The following TBK1 variants were observed in gnomAD, a reference collection of about 807,000 sequenced individuals.
TBK1 encodes the protein TANK binding kinase 1, also known as serine/threonine-protein kinase TBK1.
In TBK1, 37 loss-of-function variants were observed where a neutral mutation model predicts 99.9. The ratio of observed to expected loss-of-function variants is 0.37; its 90% confidence interval spans 0.28 to 0.49. The LOEUF is 0.49. Ranked by LOEUF, TBK1 falls within the 20% of genes least tolerant of loss-of-function variation. The pLI is 0.98. For synonymous variants in TBK1, 258 were observed against 279.8 expected, an observed-to-expected ratio of 0.92 and a Z score of 0.78; for missense variants, 644 against 872.5, an observed-to-expected ratio of 0.74 and a Z score of 3.30.
At chr12:64,458,403 TTAGTTACTAAAG>T (rs2040512020) in intron 2 of TBK1, among the ~76,000 whole-genome samples, 1 of 151,986 alleles carries the variant, frequency 6.6e-6, no homozygotes, top group African/African-American at 2.4e-5. Context: ...TAAATTGCTT[TTAGTTACTAAAG>T]TATGAGTGTG....
intron 7 of TBK1, among the ~76,000 whole-genome samples, chr12:64,480,571 T>C (rs904133384): frequency 6.6e-6 from 1 of 152,228 alleles, no homozygotes; most frequent in Non-Finnish European, 1.5e-5. Context: ...TGAGAAATAA[T>C]AGTTTTTTGT....
chr12:64,483,249 A>G (rs1316349313), intron 8 of TBK1, among the ~76,000 whole-genome samples: 1 of 152,244 alleles, frequency 6.6e-6, no homozygotes, highest in African/African-American at 2.4e-5. Flanking sequence ...GTAACAAAAC[A>G]TCTCATGTAC....
chr12:64,490,122 A>G lies in TBK1; in HGVS notation c.1521+3A>G. 1 of 1,603,288 alleles carries G rather than the reference A, an allele frequency of 6.2e-7. No individual in the cohort carries two copies. Among genetic ancestry groups the G allele is most frequent in the Non-Finnish European group, 8.5e-7 (1 of 1,173,718 alleles). The stretch of plus-strand genomic sequence containing the variant: ...ACATACACACCAAATTGTTGAGAGT[A>G]AGTGTTTACAAAATTACGAAATTTG... On this transcript the variant is annotated splice_donor_region_variant and intron_variant, in intron 13 of 20. Transcript: ENST00000331710.
chr12:64,495,923 TG>T, intron 15 of TBK1, 148 bp downstream of exon 15: 26 of 552,394 alleles, frequency 4.7e-5, no homozygotes, highest in Middle Eastern at 5.1e-4. Context: ...AGGTTGATTG[TG>T]TTAAAAAAAA....
rs1007081472 is a variant in TBK1, at chr12:64,501,496, G to A, written c.*115G>A. ...TTTCTACAATTCAGTATTTGATGTGGTCGTGTAAATATGTACAATATTGTA... is the reference window on the plus strand; with the variant it reads ...TTTCTACAATTCAGTATTTGATGTGATCGTGTAAATATGTACAATATTGTA... On this transcript the variant is annotated 3_prime_UTR_variant, in exon 21 of 21. Transcript: ENST00000331710. The A allele has an allele frequency of 9.3e-7, 1 of 1,075,726 alleles. No homozygotes were observed. The highest frequency in any genetic ancestry group is 1.4e-6 in the Non-Finnish European group (1 of 731,212). The allele number at this position is 1,075,726 out of a possible 1,614,324, so 66.6% of individuals were successfully genotyped here. A position where few individuals can be genotyped will look rare whatever the true frequency, so the allele number is the denominator to read the frequency against.
Position 64,467,293 on chromosome 12 carries a change from G to A in TBK1, c.540+211G>A, listed in dbSNP as rs569419585. Among the ~76,000 whole-genome samples, 32 of 152,228 alleles carry A rather than the reference G, an allele frequency of 2.1e-4. 1 individual carries two copies. In the South Asian group the frequency reaches 6.4e-3, roughly 31 times the overall value. On this transcript the variant is annotated intron_variant, in intron 5 of 20. Transcript: ENST00000331710. Reference sequence around the variant, plus strand: ...ATTAAAAATTCTTGGAAGTTTTGTAGCACCCTTAAATTCTTTAGTTTTACT... The same window carrying A: ...ATTAAAAATTCTTGGAAGTTTTGTAACACCCTTAAATTCTTTAGTTTTACT...
intron 20 of TBK1, among the ~76,000 whole-genome samples, 162 bp from the exon 21 acceptor site, chr12:64,501,168 A>G (rs1486077982): frequency 1.3e-5 from 2 of 152,222 alleles, no homozygotes; most frequent in South Asian, 2.1e-4. Flanking sequence ...ATTTATGATA[A>G]TACCATGCTG....
rs746351919 is a variant in TBK1, at chr12:64,496,389, A to T, written c.1743A>T (p.Gln581His). 3.2e-6 allele frequency: 4 copies of T among 1,254,830 alleles called. No homozygotes were observed. The highest frequency in any genetic ancestry group is 4.4e-6 in the Non-Finnish European group (4 of 899,956). The allele number at this position is 1,254,830 out of a possible 1,614,324, so 77.7% of individuals were successfully genotyped here. A position where few individuals can be genotyped will look rare whatever the true frequency, so the allele number is the denominator to read the frequency against. Residue 581 changes from glutamine to histidine, a missense_variant, in exon 16 of 21, where the codon CAA becomes CAT. Physicochemically the swap from Gln to His is conservative, Grantham distance 24. Transcript: ENST00000331710. ...AERRLAYNEE[Q>H]IHKFDKQKLY... The stretch of plus-strand genomic sequence containing the variant: ...TAGGATTAGCTTATAATGAAGAACA[A>T]ATCCACAAATTTGATAAGTAAGTAT...
chr12:64,490,600 T>G (rs2040860094), intron 13 of TBK1, among the ~76,000 whole-genome samples: 1 of 152,180 alleles, frequency 6.6e-6, no homozygotes, highest in Non-Finnish European at 1.5e-5. Context: ...TAAATGTAAT[T>G]TCACATGCAG....
In TBK1 at chr12:64,497,705, A is replaced by C; in HGVS notation, c.2017A>C (p.Met673Leu). The change falls in exon 19 of 21, where the codon ATG becomes CTG. Residue 673 changes from methionine (M) to leucine (L), a missense_variant. Around this residue, in one of 3 missense-constraint regions of TBK1, gnomAD observed 465 missense variants for 588.0 expected, o/e 0.79. Transcript: ENST00000331710. ...AGCTTCCAGTGGAATCAAACATACC[A>C]TGACCCCAATTTATCCAAGTTCTAA... ...FTASSGIKHT[M>L]TPIYPSSNTL... 1.2e-6 allele frequency: 2 copies of C among 1,608,382 alleles called. No individual in the cohort carries two copies. The highest frequency in any genetic ancestry group is 1.7e-5 in the Admixed American group (1 of 59,106).
chr12:64,457,710 A>G (rs1234779555), intron 2 of TBK1, among the ~76,000 whole-genome samples: 3 of 152,214 alleles, frequency 2.0e-5, no homozygotes, highest in Admixed American at 2.0e-4. Flanking sequence ...GCCTGGCACT[A>G]GAAGATACGT....
Position 64,490,066 on chromosome 12 carries a change from C to T in TBK1, c.1468C>T (p.Leu490=), listed in dbSNP as rs757228884. ...KVYEKLMKIN[L]EAAELGEISD... ...ATATGAAAAGTTGATGAAGATCAAC[C>T]TGGAAGCGGCAGAGTTAGGTGAAAT... The change falls in exon 13 of 21, where the codon CTG becomes TTG. Residue 490 remains leucine, a synonymous_variant. Transcript: ENST00000331710. 1 of 1,609,380 alleles carries T rather than the reference C, an allele frequency of 6.2e-7. No individual in the cohort carries two copies.
At chr12:64,489,655 G>A (rs768586332) in intron 12 of TBK1, among the ~76,000 whole-genome samples, 24 of 149,344 alleles carry the variant, frequency 1.6e-4, no homozygotes, top group African/African-American at 3.7e-4. Context: ...TGCAACCTCC[G>A]CCTCCCAGGT....
intron 11 of TBK1, among the ~76,000 whole-genome samples, 199 bp downstream of exon 11, chr12:64,486,216 T>C (rs536656228): frequency 1.3e-5 from 2 of 152,316 alleles, no homozygotes; most frequent in Admixed American, 6.5e-5. Context: ...ACAAATAGTA[T>C]CTGAATTTTA....
chr12:64,453,139 G>C (rs1014820521), intron 1 of TBK1, among the ~76,000 whole-genome samples: 3 of 152,144 alleles, frequency 2.0e-5, no homozygotes, highest in African/African-American at 7.2e-5. Context: ...GCACGTTGTG[G>C]GTGTGCTGAG....
intron 7 of TBK1, among the ~76,000 whole-genome samples, chr12:64,481,302 G>A (rs2040765532): frequency 6.6e-6 from 1 of 152,140 alleles, no homozygotes; most frequent in Admixed American, 6.5e-5. Flanking sequence ...GCATATTTCT[G>A]GAGGGTAACA....
Position 64,460,185 on chromosome 12 carries a change from A to G in TBK1, c.88-4A>G, listed in dbSNP as rs766191031. 1.4e-5 allele frequency: 21 copies of G among 1,481,262 alleles called. No homozygotes were observed. Among genetic ancestry groups the G allele is most frequent in the Non-Finnish European group, 1.7e-5 (19 of 1,102,206 alleles). 91.8% of individuals were successfully genotyped at this position (1,481,262 alleles called of 1,614,324 possible). ...AATAAAACATTTCTCTCTCTTTTTT[A>G]AAGAAAACTGGTGATTTATTTGCTA... is the stretch of plus-strand genomic sequence containing the variant. On this transcript the variant is annotated splice_region_variant and splice_polypyrimidine_tract_variant and intron_variant, in intron 2 of 20. Transcript: ENST00000331710.
At chr12:64,496,851 T>C (rs1194827426) in intron 16 of TBK1, 98 bp from the exon 17 acceptor site, 1 of 764,948 alleles carries the variant, frequency 1.3e-6, no homozygotes, top group Non-Finnish European at 2.1e-6. Flanking sequence ...ACAACAATCA[T>C]TATAGGAAAG....
intron 2 of TBK1, 126 bp downstream of exon 2, chr12:64,456,083 A>G (rs918408623): frequency 5.4e-6 from 4 of 742,758 alleles, no homozygotes; most frequent in Non-Finnish European, 2.2e-6. Flanking sequence ...TGTTTTAATG[A>G]TTTTCGTGGT....
Sources: gnomAD v4.1 joint callset for allele counts (sites outside exome capture counted in the v4.1 genomes callset) on GRCh38, gnomAD v4.1.1 for gene constraint, gnomAD v4.1.1 regional missense constraint, MANE v1.5 for transcripts, NCBI Gene and HGNC (gene_info 2026-07-23, HGNC 2026-07-21) for gene names.